CWC27: variants seen among roughly 807,000 people sequenced by gnomAD.
CWC27 encodes CWC27 spliceosome associated cyclophilin.
A neutral mutation model predicts 63.6 loss-of-function variants in CWC27; 47 were observed. The observed-to-expected ratio is 0.74, with a 90% confidence interval of 0.58 to 0.94. The LOEUF (loss-of-function observed/expected upper bound fraction) is 0.94. Among genes scored for constraint, CWC27 ranks in the 40% least tolerant of loss-of-function variants. The pLI, the probability that CWC27 is intolerant of heterozygous loss-of-function variation, is 0.00. For missense variants in CWC27, 495 were observed against 554.3 expected (o/e 0.89, Z 1.07); for synonymous variants, 175 against 179.8 (o/e 0.97, Z 0.22).
At chr5:64,990,873 A>G (rs1296115254) in intron 13 of CWC27, among the ~76,000 whole-genome samples, 3 of 152,198 alleles carry the variant, frequency 2.0e-5, no homozygotes, top group African/African-American at 7.2e-5. Context: ...ATAGCACAGT[A>G]TTTATGGGCT....
chr5:64,780,981 T>G (rs4425461), intron 2 of CWC27, among the ~76,000 whole-genome samples: 81,417 of 151,916 alleles, frequency 0.54, 22,381 homozygotes, highest in East Asian at 0.85. Context: ...TTAATGTAAA[T>G]TCTCTTATTC....
intron 10 of CWC27, among the ~76,000 whole-genome samples, chr5:64,831,803 C>CA (rs887119405): frequency 4.0e-5 from 6 of 151,022 alleles, no homozygotes; most frequent in South Asian, 2.1e-4. Context: ...ACCATTTTGC[C>CA]AAAAAAAATT....
intron 13 of CWC27, among the ~76,000 whole-genome samples, chr5:64,988,485 C>G (rs1204263857): frequency 6.6e-6 from 1 of 152,154 alleles, no homozygotes; most frequent in African/African-American, 2.4e-5. Flanking sequence ...TTCTGATCAC[C>G]CTTCTGTGGG....
At chr5:64,935,701 C>A (rs1176583966) in intron 11 of CWC27, among the ~76,000 whole-genome samples, 5 of 152,130 alleles carry the variant, frequency 3.3e-5, no homozygotes, top group Admixed American at 2.6e-4. Context: ...GGCAGTATGG[C>A]CATTTTCATG....
chr5:64,807,664 C>A (rs1239419390), intron 10 of CWC27: 1 of 1,535,874 alleles, frequency 6.5e-7, no homozygotes, highest in South Asian at 1.2e-5. Flanking sequence ...CAGGCATATA[C>A]AAGCTGGTAT....
Position 64,954,777 on chromosome 5 carries a change from CATAT to C in CWC27, c.1043-16913_1043-16910del, listed in dbSNP as rs10556328. On this transcript the variant is annotated intron_variant, in intron 11 of 13. Coordinates refer to ENST00000381070, the MANE Select transcript of CWC27 (RefSeq NM_005869.4). The stretch of plus-strand genomic sequence containing the variant: ...CTATATATATAGTGCTTTCTATATG[CATAT>C]ATATATATATATGTATGTATGTTAG... Among the ~76,000 whole-genome samples the C allele has an allele frequency of 9.2e-3, 1,298 of 140,840 alleles. 20 individuals carry two copies. Among genetic ancestry groups the C allele is most frequent in the African/African-American group, 0.032 (1,223 of 38,624 alleles). 92.4% of individuals were successfully genotyped at this position (140,840 alleles called of 152,430 possible).
intron 10 of CWC27, among the ~76,000 whole-genome samples, chr5:64,873,505 A>G (rs1180608884): frequency 2.0e-5 from 3 of 151,720 alleles, no homozygotes; most frequent in Non-Finnish European, 2.9e-5. Context: ...GTCTATTCCT[A>G]TCCTTTGCCC....
intron 13 of CWC27, among the ~76,000 whole-genome samples, chr5:64,982,971 C>T (rs930237248): frequency 1.3e-5 from 2 of 152,084 alleles, no homozygotes; most frequent in Admixed American, 6.5e-5. Context: ...ACTACACCTG[C>T]GAGGGATCTA....
chr5:64,873,051 G>A (rs1746712634), intron 10 of CWC27, among the ~76,000 whole-genome samples: 1 of 151,972 alleles, frequency 6.6e-6, no homozygotes, highest in Non-Finnish European at 1.5e-5. Flanking sequence ...TGCCTACTCA[G>A]TATAAAAAAT....
intron 10 of CWC27, among the ~76,000 whole-genome samples, chr5:64,821,404 G>A (rs1274512886): frequency 6.6e-6 from 1 of 152,118 alleles, no homozygotes; most frequent in Non-Finnish European, 1.5e-5. Flanking sequence ...AATAGATGAG[G>A]CAAATAAACG....
intron 13 of CWC27, among the ~76,000 whole-genome samples, 166 bp from the exon 14 acceptor site, chr5:65,017,993 G>A (rs185759346): frequency 6.6e-6 from 1 of 152,302 alleles, no homozygotes; most frequent in East Asian, 1.9e-4. Flanking sequence ...AAATTTAAGG[G>A]TTTTCTGAGA....
chr5:64,987,955 G>C (rs1205868498), intron 13 of CWC27, among the ~76,000 whole-genome samples: 2 of 151,996 alleles, frequency 1.3e-5, no homozygotes, highest in Non-Finnish European at 2.9e-5. Flanking sequence ...TGAATCTGTA[G>C]GTTTGTGTCT....
chr5:64,801,158 C>T (rs1580615827), intron 8 of CWC27, 144 bp from the exon 9 acceptor site: 2 of 739,738 alleles, frequency 2.7e-6, no homozygotes, highest in Non-Finnish European at 4.0e-6. Flanking sequence ...TCCATCTGTT[C>T]TATAATGCCT....
intron 13 of CWC27, among the ~76,000 whole-genome samples, chr5:65,000,526 T>G (rs903145733): frequency 6.6e-6 from 1 of 152,070 alleles, no homozygotes; most frequent in Non-Finnish European, 1.5e-5. Context: ...GGAGGTCTAG[T>G]TTTATTCTTC....
At chr5:64,903,163 TC>T (rs1747545779) in intron 11 of CWC27, among the ~76,000 whole-genome samples, 1 of 152,096 alleles carries the variant, frequency 6.6e-6, no homozygotes, top group Admixed American at 6.5e-5. Context: ...GACCCAGCAA[TC>T]CCATTACGGG....
chr5:64,971,406 AG>A (rs1749122692), intron 11 of CWC27, among the ~76,000 whole-genome samples: 2 of 152,216 alleles, frequency 1.3e-5, no homozygotes, highest in Admixed American at 6.5e-5. Context: ...TAATTATTTT[AG>A]AAGTGAGATA....
rs374796492 is a variant in CWC27, at chr5:65,014,139, C to A, written c.1257-4020C>A. 8.7e-5 allele frequency among the ~76,000 whole-genome samples: 13 copies of A among 150,016 alleles called. No individual in the cohort carries two copies. The East Asian group carries it at 2.3e-3, about 27-fold the overall frequency. ...AACACCAAAAACAATAACAAAAAAA[C>A]CACTTTCCTGTCAAACACAACCTCT... On this transcript the variant is annotated intron_variant, in intron 13 of 13. Coordinates refer to ENST00000381070, the MANE Select transcript of CWC27 (RefSeq NM_005869.4).
chr5:64,993,508 T>C (rs977008891), intron 13 of CWC27, among the ~76,000 whole-genome samples: 1 of 152,086 alleles, frequency 6.6e-6, no homozygotes, highest in Non-Finnish European at 1.5e-5. Context: ...AGAAGTTCTT[T>C]AGCTGAATCC....
At chr5:64,985,523 A>G (rs1036037886) in intron 13 of CWC27, among the ~76,000 whole-genome samples, 1 of 152,068 alleles carries the variant, frequency 6.6e-6, no homozygotes, top group African/African-American at 2.4e-5. Flanking sequence ...TTGTTTGTGG[A>G]GCTGTTATAA....
Sources: allele counts gnomAD v4.1 joint callset (sites outside exome capture counted in the v4.1 genomes callset), GRCh38; gene constraint gnomAD v4.1.1; transcripts MANE v1.5; gene names NCBI Gene and HGNC (gene_info 2026-07-23, HGNC 2026-07-21).